The following CDK17 variants were observed in gnomAD, a reference collection of about 807,000 sequenced individuals.
The protein encoded by CDK17 is cyclin dependent kinase 17, also known as cyclin-dependent kinase 17.
In CDK17, 24 loss-of-function variants were observed where a neutral mutation model predicts 77.6. The ratio of observed to expected loss-of-function variants is 0.31; its 90% CI spans 0.22 to 0.44. The LOEUF is 0.44. Among genes scored for constraint, CDK17 ranks in the 20% least tolerant of loss-of-function variants. The probability of loss-of-function intolerance (pLI) is 1.00; values close to 1 mark genes in which losing one functional copy is unlikely to be tolerated. For synonymous variants in CDK17, 203 were observed against 210.4 expected, an observed-to-expected ratio of 0.96 and a Z score of 0.30; for missense variants, 429 against 622.5, an observed-to-expected ratio of 0.69 and a Z score of 3.31.
In CDK17 at chr12:96,296,408, AG is replaced by A. The variant is rs1390722081; in HGVS notation, c.873+861del. Among the ~76,000 whole-genome samples, 4 of 152,258 alleles carry A rather than the reference AG, an allele frequency of 2.6e-5. 1 individual carries two copies. The highest frequency in any genetic ancestry group is 2.6e-4 in the Admixed American group (4 of 15,290). Reference sequence around the variant, plus strand: ...TTTAAAGCCCTTTTTAAAAATCCTTAGCAATGTGTTATCCATATGTTCTGAG... The same window carrying A: ...TTTAAAGCCCTTTTTAAAAATCCTTACAATGTGTTATCCATATGTTCTGAG... On this transcript the variant is annotated intron_variant, in intron 9 of 16. Coordinates refer to ENST00000261211, the MANE Select transcript of CDK17 (RefSeq NM_002595.5).
At chr12:96,346,913 C>CA (rs35225386) in intron 1 of CDK17, among the ~76,000 whole-genome samples, 11,891 of 130,630 alleles carry the variant, frequency 0.091, 556 homozygotes, top group African/African-American at 0.15. Context: ...GACTCTGTCT[C>CA]AAAAAAAAAA....
intron 1 of CDK17, among the ~76,000 whole-genome samples, chr12:96,382,693 A>G (rs1335550572): frequency 6.6e-6 from 1 of 152,216 alleles, no homozygotes; most frequent in African/African-American, 2.4e-5. Context: ...CTGGGGTGCA[A>G]GGTTGCTTCA....
At chr12:96,352,991 C>A (rs1218808053) in intron 1 of CDK17, among the ~76,000 whole-genome samples, 1 of 152,024 alleles carries the variant, frequency 6.6e-6, no homozygotes, top group Admixed American at 6.6e-5. Context: ...ACCACCTGTC[C>A]CACTACTATT....
At chr12:96,328,408 G>C (rs1790162016) in intron 2 of CDK17, among the ~76,000 whole-genome samples, 1 of 152,126 alleles carries the variant, frequency 6.6e-6, no homozygotes, top group Non-Finnish European at 1.5e-5. Context: ...ACCTCAGTCT[G>C]TGAAAAAACT....
chr12:96,366,386 C>A (rs1953583095), intron 1 of CDK17, among the ~76,000 whole-genome samples: 1 of 152,110 alleles, frequency 6.6e-6, no homozygotes, highest in Non-Finnish European at 1.5e-5. Context: ...AGTAAAATAT[C>A]CATCTGAAAA....
intron 1 of CDK17, among the ~76,000 whole-genome samples, chr12:96,376,332 T>C (rs1192030783): frequency 6.6e-6 from 1 of 152,244 alleles, no homozygotes; most frequent in Non-Finnish European, 1.5e-5. Flanking sequence ...TATTATATCA[T>C]GATCCTCACC....
intron 5 of CDK17, among the ~76,000 whole-genome samples, chr12:96,306,609 C>T (rs2137096729): frequency 6.6e-6 from 1 of 152,062 alleles, no homozygotes; most frequent in African/African-American, 2.4e-5. Flanking sequence ...TCTATCCATC[C>T]CTAATCTTTA....
At chr12:96,368,876 A>G (rs747409371) in intron 1 of CDK17, among the ~76,000 whole-genome samples, 2 of 147,470 alleles carry the variant, frequency 1.4e-5, no homozygotes, top group Non-Finnish European at 3.0e-5. Context: ...ACCCTAGGTA[A>G]CTACAAAGTC....
At chr12:96,391,761 CAAGT>C (rs1381418387) in intron 1 of CDK17, among the ~76,000 whole-genome samples, 46 of 152,252 alleles carry the variant, frequency 3.0e-4, no homozygotes, top group Non-Finnish European at 3.1e-4. Context: ...TTTTCACTAA[CAAGT>C]TAGTACAGCT....
At chr12:96,390,708 CA>C (rs71097285) in intron 1 of CDK17, among the ~76,000 whole-genome samples, 7,594 of 43,460 alleles carry the variant, frequency 0.17, 115 homozygotes, top group South Asian at 0.34. Flanking sequence ...GACTCCATCT[CA>C]AAAAAAAAAA....
At chr12:96,335,055 G>A (rs987448193) in intron 1 of CDK17, 190 bp from the exon 2 acceptor site, 2 of 638,388 alleles carry the variant, frequency 3.1e-6, no homozygotes, top group African/African-American at 3.6e-5. Flanking sequence ...GTATTTATTT[G>A]GCATCATCAG....
At chr12:96,361,648 C>T (rs996750333) in intron 1 of CDK17, among the ~76,000 whole-genome samples, 2 of 152,062 alleles carry the variant, frequency 1.3e-5, no homozygotes, top group African/African-American at 4.8e-5. Context: ...ACCAAAATAA[C>T]GGTATCTATT....
rs1350106816 is a variant in CDK17, at chr12:96,400,271, G to A, written c.-315C>T. The A allele has an allele frequency of 1.0e-5, 4 of 392,398 alleles. No homozygotes were observed. Among genetic ancestry groups the A allele is most frequent in the Non-Finnish European group, 1.8e-5 (4 of 221,976 alleles). The allele number at this position is 392,398 out of a possible 1,614,324, so 24.3% of individuals were successfully genotyped here. ...CGGACGGCCCACTAATCCCCTCGGA[G>A]CAGCCGGGCGCGAGCGCGGCGGGCG... On this transcript the variant is annotated 5_prime_UTR_variant, in exon 1 of 17. Coordinates refer to ENST00000261211, the MANE Select transcript of CDK17 (RefSeq NM_002595.5).
chr12:96,396,128 A>T (rs1954164335), intron 1 of CDK17, among the ~76,000 whole-genome samples: 1 of 152,234 alleles, frequency 6.6e-6, no homozygotes, highest in South Asian at 2.1e-4. Context: ...GAACACGGTA[A>T]CATTACTTAT....
intron 1 of CDK17, among the ~76,000 whole-genome samples, chr12:96,345,816 T>A (rs1188235076): frequency 6.6e-6 from 1 of 151,994 alleles, no homozygotes; most frequent in South Asian, 2.1e-4. Context: ...GGAATTAGAA[T>A]GGTATGCTAT....
At chr12:96,385,950 C>T (rs1241727053) in intron 1 of CDK17, among the ~76,000 whole-genome samples, 1 of 151,998 alleles carries the variant, frequency 6.6e-6, no homozygotes, top group Non-Finnish European at 1.5e-5. Context: ...CCCGGTAAAA[C>T]TAAAACGCTC....
intron 15 of CDK17, 75 bp from the exon 16 acceptor site, chr12:96,280,960 T>G: frequency 8.2e-7 from 1 of 1,219,798 alleles, no homozygotes; most frequent in Non-Finnish European, 1.2e-6. Context: ...TCAACAAATG[T>G]TTATAAAGCA....
chr12:96,339,543 C>CT (rs1953093659), intron 1 of CDK17, among the ~76,000 whole-genome samples: 1 of 151,282 alleles, frequency 6.6e-6, no homozygotes, highest in Non-Finnish European at 1.5e-5. Context: ...TATTTTACAA[C>CT]TTTTTTAAAA....
At chr12:96,371,164 A>G (rs903548089) in intron 1 of CDK17, among the ~76,000 whole-genome samples, 1 of 149,598 alleles carries the variant, frequency 6.7e-6, no homozygotes, top group African/African-American at 2.4e-5. Flanking sequence ...TGTTGTATCA[A>G]GCCAGATTAT....
Sources: allele counts gnomAD v4.1 joint callset (sites outside exome capture counted in the v4.1 genomes callset), GRCh38; gene constraint gnomAD v4.1.1; transcripts MANE v1.5; gene names NCBI Gene and HGNC (gene_info 2026-07-23, HGNC 2026-07-21).